The following GPLD1 variants were observed in gnomAD, a reference collection of about 807,000 sequenced individuals.
GPLD1 encodes phosphatidylinositol-glycan-specific phospholipase D.
In GPLD1, 84 loss-of-function variants were observed where a neutral mutation model predicts 112.6. That is an observed-to-expected ratio of 0.75 (90% CI 0.63 to 0.89). The LOEUF (loss-of-function observed/expected upper bound fraction) is 0.89, where lower values mean the gene tolerates loss of function less well. Ranked by LOEUF, GPLD1 falls within the 40% of genes least tolerant of loss-of-function variation. The pLI is 0.00. For synonymous variants in GPLD1, 386 were observed against 403.8 expected, an observed-to-expected ratio of 0.96 and a Z score of 0.53; for missense variants, 1,044 against 1,051.5, an observed-to-expected ratio of 0.99 and a Z score of 0.10.
intron 20 of GPLD1, among the ~76,000 whole-genome samples, chr6:24,440,240 A>G (rs1259072712): frequency 2.0e-5 from 3 of 152,162 alleles, no homozygotes; most frequent in African/African-American, 7.2e-5. Flanking sequence ...GGATCACTTC[A>G]GCTCATGAGT....
intron 17 of GPLD1, 85 bp from the exon 18 acceptor site, chr6:24,447,064 A>G (rs1581743685): frequency 7.9e-7 from 1 of 1,272,276 alleles, no homozygotes. Context: ...CTCGTAGCCT[A>G]ATAGAAGTGG....
At position 24,438,191 on chromosome 6, in the gene GPLD1, C is replaced by T. The variant is rs560971376; in HGVS notation, c.2021-902G>A. Among the ~76,000 whole-genome samples the T allele has an allele frequency of 5.3e-5, 8 of 152,234 alleles. No homozygotes were observed. In the East Asian group the frequency reaches 7.7e-4, roughly 15 times the overall value. On this transcript the variant is annotated intron_variant, in intron 20 of 24. Transcript: ENST00000230036. ...TCAGGCGCCCATTCCACAAGAAATG[C>T]GGTCACGTCTCTGTCTCTCTATCCA...
upstream of GPLD1, among the ~76,000 whole-genome samples, chr6:24,493,670 G>A (rs910359852): frequency 6.6e-6 from 1 of 152,162 alleles, no homozygotes; most frequent in African/African-American, 2.4e-5. Flanking sequence ...GAGCAAAATA[G>A]TGTGAAATTG....
At chr6:24,466,362 G>C (rs960968134) in intron 10 of GPLD1, among the ~76,000 whole-genome samples, 4 of 152,070 alleles carry the variant, frequency 2.6e-5, no homozygotes, top group African/African-American at 9.7e-5. Context: ...TAAAAAGAAA[G>C]AAACAAATGG....
At position 24,449,842 on chromosome 6, in the gene GPLD1, G is replaced by A. The variant is rs530047553; in HGVS notation, c.1393C>T (p.Pro465Ser). Residue 465 changes from proline to serine, a missense_variant, in exon 15 of 25, where the codon CCT becomes TCT. Physicochemically the swap from Pro to Ser is moderately conservative, Grantham distance 74 (BLOSUM62 -1). Transcript: ENST00000230036. ...GAGGGAGCTCCCACGGCCAGGTCAG[G>A]CACGCCGTCCACGTTAAAGTCCAAC... ...AVLDFNVDGV[P>S]DLAVGAPSVG... The A allele has an allele frequency of 1.6e-5, 26 of 1,613,926 alleles. No individual in the cohort carries two copies. In the South Asian group the frequency reaches 2.5e-4, roughly 16 times the overall value.
At chr6:24,443,729 G>C (rs1343072546) in intron 20 of GPLD1, among the ~76,000 whole-genome samples, 1 of 152,040 alleles carries the variant, frequency 6.6e-6, no homozygotes, top group Non-Finnish European at 1.5e-5. Context: ...GGAGTGCAGT[G>C]GTGTCATCTT....
At chr6:24,448,076 G>T (rs759831622) in intron 16 of GPLD1, 43 bp from the exon 17 acceptor site, 2 of 1,612,258 alleles carry the variant, frequency 1.2e-6, no homozygotes, top group Non-Finnish European at 1.7e-6. Context: ...CAGCCCTGGT[G>T]GCAGTTAGGA....
At chr6:24,481,765 T>C (rs529489262) in intron 2 of GPLD1, among the ~76,000 whole-genome samples, 1 of 152,306 alleles carries the variant, frequency 6.6e-6, no homozygotes, top group South Asian at 2.1e-4. Flanking sequence ...AGAAACCATC[T>C]AGAGCTCTGG....
chr6:24,474,169 C>CCA lies in GPLD1; in HGVS notation c.442-504_442-503dup, dbSNP rs1274637237. ...AAAACAACAACAAAAAAAACCACACCCACATACACACACACACACACACAC... is the reference window on the plus strand; with the variant it reads ...AAAACAACAACAAAAAAAACCACACCCACACATACACACACACACACACACAC... On this transcript the variant is annotated intron_variant, in intron 5 of 24. Coordinates refer to ENST00000230036, the MANE Select transcript of GPLD1 (RefSeq NM_001503.4). Among the ~76,000 whole-genome samples, 4 of 74,164 alleles carry CCA rather than the reference C, an allele frequency of 5.4e-5. No individual in the cohort carries two copies. The Admixed American group carries it at 5.4e-4, about 10-fold the overall frequency. 48.7% of individuals were successfully genotyped at this position (74,164 alleles called of 152,430 possible).
At chr6:24,470,204 C>T (rs183213257) in intron 7 of GPLD1, among the ~76,000 whole-genome samples, 4 of 151,980 alleles carry the variant, frequency 2.6e-5, no homozygotes, top group Admixed American at 2.6e-4. Context: ...GGCATGATCT[C>T]GGCAGTTCTT....
At chr6:24,449,335 G>T (rs554512176) in intron 15 of GPLD1, among the ~76,000 whole-genome samples, 48 of 152,268 alleles carry the variant, frequency 3.2e-4, no homozygotes, top group African/African-American at 1.0e-3. Flanking sequence ...ATGGTAGGAA[G>T]CATCTGTGGG....
intron 7 of GPLD1, among the ~76,000 whole-genome samples, chr6:24,469,346 T>A (rs1319106661): frequency 7.5e-6 from 1 of 132,742 alleles, no homozygotes; most frequent in Non-Finnish European, 1.6e-5. Flanking sequence ...TATTGCGGCA[T>A]TATTCACAAT....
intron 2 of GPLD1, among the ~76,000 whole-genome samples, chr6:24,482,102 T>G (rs147917074): frequency 1.4e-4 from 14 of 100,004 alleles, no homozygotes; most frequent in South Asian, 6.7e-4. Context: ...TTTGGATTTT[T>G]TTTTTTTTTT....
At chr6:24,449,646 C>G in intron 15 of GPLD1, 143 bp downstream of exon 15, 2 of 618,664 alleles carry the variant, frequency 3.2e-6, no homozygotes, top group East Asian at 5.5e-5. Flanking sequence ...CCCATAGGGG[C>G]CTGAGATTAT....
intron 20 of GPLD1, among the ~76,000 whole-genome samples, chr6:24,438,788 TTTC>T (rs1417465686): frequency 1.5e-5 from 2 of 136,208 alleles, no homozygotes; most frequent in Admixed American, 7.2e-5. Context: ...TTCATTCCTT[TTTC>T]TTTTTTTATT....
downstream of GPLD1, chr6:24,425,368 T>G (rs557624290): frequency 2.0e-5 from 3 of 152,308 alleles, no homozygotes; most frequent in South Asian, 6.2e-4. Flanking sequence ...GTTTATGAGC[T>G]TGGATAAAAT....
intron 6 of GPLD1, 117 bp downstream of exon 6, chr6:24,473,502 T>C: frequency 1.6e-6 from 1 of 644,006 alleles, no homozygotes. Context: ...CAACATTAAA[T>C]AGAAAATACA....
In GPLD1 at chr6:24,467,070, A is replaced by G. The variant is rs142424265; in HGVS notation, c.653+97T>C. ...CTGCCTTTGAATAAGCAGAATCCAT[A>G]AATCCAAAATCCAGTCTCAGGAAAC... On this transcript the variant is annotated intron_variant, in intron 8 of 24. Transcript: ENST00000230036. The G allele has an allele frequency of 1.2e-4, 134 of 1,092,874 alleles. 1 individual carries two copies. In the African/African-American group the frequency reaches 1.6e-3, roughly 13 times the overall value. The allele number at this position is 1,092,874 out of a possible 1,614,324, so 67.7% of individuals were successfully genotyped here. A position where few individuals can be genotyped will look rare whatever the true frequency, so the allele number is the denominator to read the frequency against.
intron 18 of GPLD1, among the ~76,000 whole-genome samples, chr6:24,446,328 C>T (rs1323485646): frequency 6.5e-5 from 9 of 137,640 alleles, no homozygotes; most frequent in Non-Finnish European, 1.4e-4. Context: ...AAAACCCATC[C>T]CTATAAAAAT....
Sources: allele counts gnomAD v4.1 joint callset (sites outside exome capture counted in the v4.1 genomes callset), GRCh38; gene constraint gnomAD v4.1.1; transcripts MANE v1.5; gene names NCBI Gene and HGNC (gene_info 2026-07-23, HGNC 2026-07-21).